Variants in MAP2K5 observed in about 807,000 individuals in gnomAD.
MAP2K5 encodes dual specificity mitogen-activated protein kinase kinase 5.
Under a neutral mutation model 83.1 loss-of-function variants are expected in MAP2K5, and 49 were observed. The ratio of observed to expected loss-of-function variants is 0.59; its 90% CI spans 0.47 to 0.75. The LOEUF is 0.75. Among genes scored for constraint, MAP2K5 ranks in the 30% least tolerant of loss-of-function variants. MAP2K5 has a pLI of 0.00. For missense variants in MAP2K5, 457 were observed against 557.5 expected, an observed-to-expected ratio of 0.82 and a Z score of 1.82; for synonymous variants, 202 against 191.8, an observed-to-expected ratio of 1.05 and a Z score of -0.44.
Position 67,769,789 on chromosome 15 carries a change from G to A in MAP2K5, c.1196+126G>A. Reference sequence around the variant, plus strand: ...GAGACAGGAGGGACTTCGGGGCCTTGGGCAGATGGGGCAGCAAAGCTGAAG... The same window carrying A: ...GAGACAGGAGGGACTTCGGGGCCTTAGGCAGATGGGGCAGCAAAGCTGAAG... On this transcript the variant is annotated intron_variant, in intron 20 of 21. Transcript: ENST00000178640. This position sits in a 1 kb window ranked among gnomAD's most constrained non-coding sequence, Gnocchi z 5.2. 1 of 761,580 alleles carries A rather than the reference G, an allele frequency of 1.3e-6. No individual in the cohort carries two copies. The allele number at this position is 761,580 out of a possible 1,614,324, so 47.2% of individuals were successfully genotyped here.
chr15:67,769,637 G>T lies in MAP2K5; in HGVS notation c.1170G>T (p.Glu390Asp). Residue 390 changes from glutamate to aspartate, a missense_variant, in exon 20 of 22, where the codon GAG (glutamate) becomes GAT (aspartate). Coordinates refer to ENST00000178640, the MANE Select transcript of MAP2K5 (RefSeq NM_145160.3). This position sits in a 1 kb window ranked among gnomAD's most constrained non-coding sequence, Gnocchi z 5.2. The part of the protein sequence containing the change: ...SPVLPVGEFS[E>D]PFVHFITQCM... Reference sequence around the variant, plus strand: ...TCCTTCCAGTTGGAGAGTTCTCGGAGCCATTTGTACATTTCATCACTCAGT... The same window carrying T: ...TCCTTCCAGTTGGAGAGTTCTCGGATCCATTTGTACATTTCATCACTCAGT... 1 of 1,613,758 alleles carries T rather than the reference G, an allele frequency of 6.2e-7. No individual in the cohort carries two copies. Among genetic ancestry groups the T allele is most frequent in the South Asian group, 1.1e-5 (1 of 91,066 alleles).
At chr15:67,549,160 G>A in intron 1 of MAP2K5, 1 of 1,535,652 alleles carries the variant, frequency 6.5e-7, no homozygotes, top group Non-Finnish European at 8.7e-7. Flanking sequence ...AGGTTTGCAG[G>A]CCATTGGAGT....
At chr15:67,624,512 C>A (rs776577509) in intron 8 of MAP2K5, among the ~76,000 whole-genome samples, 148 of 151,816 alleles carry the variant, frequency 9.7e-4, no homozygotes, top group Non-Finnish European at 1.6e-3. Flanking sequence ...TGAAATAGGT[C>A]AGTACCTTTG....
At chr15:67,557,937 C>T (rs2084661741) in intron 2 of MAP2K5, among the ~76,000 whole-genome samples, 1 of 152,206 alleles carries the variant, frequency 6.6e-6, no homozygotes, top group African/African-American at 2.4e-5. Context: ...AACAAACCTA[C>T]ACTGAGCCTG....
intron 9 of MAP2K5, among the ~76,000 whole-genome samples, chr15:67,631,192 A>G (rs1373698768): frequency 3.3e-5 from 5 of 152,242 alleles, no homozygotes; most frequent in Non-Finnish European, 2.9e-5. Flanking sequence ...GCTAAGTGGC[A>G]TCACCATCTT....
chr15:67,547,522 C>G (rs1265663069), intron 1 of MAP2K5, among the ~76,000 whole-genome samples: 1 of 140,632 alleles, frequency 7.1e-6, no homozygotes, highest in Non-Finnish European at 1.5e-5. Flanking sequence ...GTGGCGTGAT[C>G]TCGGCTCACT....
intron 8 of MAP2K5, chr15:67,629,126 A>G: frequency 1.4e-6 from 1 of 730,900 alleles, no homozygotes; most frequent in South Asian, 1.3e-5. Flanking sequence ...GCAGTGGCAG[A>G]AGATTTTAAT....
chr15:67,719,036 C>T lies in MAP2K5; in HGVS notation c.1045-8880C>T, dbSNP rs982606307. ...CTTTATTTTTGTACCCATTAATCAT[C>T]CCCACTCTTCTCCTTGCCAACTACC... On this transcript the variant is annotated intron_variant, in intron 16 of 21. Transcript: ENST00000178640. This position sits in a 1 kb window ranked among gnomAD's most constrained non-coding sequence, Gnocchi z 4.6. Among the ~76,000 whole-genome samples the T allele has an allele frequency of 2.6e-5, 4 of 152,132 alleles. No homozygotes were observed. Among genetic ancestry groups the T allele is most frequent in the Non-Finnish European group, 5.9e-5 (4 of 68,020 alleles).
At chr15:67,804,531 C>CGG (rs1566970189) in intron 21 of MAP2K5, among the ~76,000 whole-genome samples, 1 of 152,246 alleles carries the variant, frequency 6.6e-6, no homozygotes, top group Non-Finnish European at 1.5e-5. Context: ...CCTCGCCTAC[C>CGG]GGGGCACTTG....
chr15:67,707,991 C>T (rs765882646), intron 16 of MAP2K5, among the ~76,000 whole-genome samples: 4 of 152,086 alleles, frequency 2.6e-5, no homozygotes, highest in South Asian at 4.2e-4. Flanking sequence ...TGTAGGAAAC[C>T]GAGCAAAGGA....
At position 67,772,687 on chromosome 15, in the gene MAP2K5, T is replaced by C; in HGVS notation, c.1197-20T>C. ...CAAATGACACAGATAACATAAGGGG[T>C]TTTTTTCTCTCCACTATAGTATGCG... On this transcript the variant is annotated intron_variant, in intron 20 of 21. Coordinates refer to ENST00000178640, the MANE Select transcript of MAP2K5 (RefSeq NM_145160.3). The C allele has an allele frequency of 5.9e-6, 9 of 1,533,130 alleles. No individual in the cohort carries two copies. The highest frequency in any genetic ancestry group is 7.9e-6 in the Non-Finnish European group (9 of 1,136,420). The allele number at this position is 1,533,130 out of a possible 1,614,324, so 95.0% of individuals were successfully genotyped here.
chr15:67,624,643 G>GTA (rs1555533202), intron 8 of MAP2K5, among the ~76,000 whole-genome samples: 3 of 148,236 alleles, frequency 2.0e-5, no homozygotes, highest in East Asian at 4.0e-4. Context: ...GTGTGTGAGT[G>GTA]TGTTTGACGG....
intron 4 of MAP2K5, among the ~76,000 whole-genome samples, chr15:67,581,097 A>G (rs765136097): frequency 6.6e-6 from 1 of 152,196 alleles, no homozygotes; most frequent in Non-Finnish European, 1.5e-5. Context: ...GGGGGTCCAC[A>G]TGGTTTCTAA....
intron 13 of MAP2K5, among the ~76,000 whole-genome samples, chr15:67,674,489 G>A (rs1334136146): frequency 1.3e-5 from 2 of 152,066 alleles, no homozygotes; most frequent in Non-Finnish European, 2.9e-5. Context: ...AAAAGACTTA[G>A]CCCATTAACA....
intron 3 of MAP2K5, among the ~76,000 whole-genome samples, chr15:67,576,933 T>A (rs1297972963): frequency 0.022 from 3,081 of 139,926 alleles, 273 homozygotes; most frequent in Admixed American, 0.067. Context: ...TATATATTTT[T>A]TTTTTTTTTT....
chr15:67,679,874 G>T (rs891245723), intron 13 of MAP2K5: 1 of 152,136 alleles, frequency 6.6e-6, no homozygotes, highest in Non-Finnish European at 1.5e-5. Flanking sequence ...TCAATTCAGT[G>T]ATTTTTAGTA....
At chr15:67,694,276 A>G (rs2088189539) in intron 15 of MAP2K5, among the ~76,000 whole-genome samples, 1 of 152,190 alleles carries the variant, frequency 6.6e-6, no homozygotes, top group African/African-American at 2.4e-5. Context: ...CAGGAAACTT[A>G]TCTAGTATTA....
At chr15:67,673,358 G>A (rs982625181) in intron 13 of MAP2K5, among the ~76,000 whole-genome samples, 16 of 151,996 alleles carry the variant, frequency 1.1e-4, no homozygotes, top group Non-Finnish European at 2.2e-4. Flanking sequence ...GTGTAGGCAG[G>A]TAAATGTTAT....
intron 9 of MAP2K5, chr15:67,642,337 G>GT: frequency 9.3e-7 from 1 of 1,070,794 alleles, no homozygotes; most frequent in South Asian, 1.6e-5. Flanking sequence ...AGTGCTGGGG[G>GT]GGATAGAAAA....
Sources: allele counts gnomAD v4.1 joint callset (sites outside exome capture counted in the v4.1 genomes callset), GRCh38; gene constraint gnomAD v4.1.1; non-coding constraint Gnocchi (gnomAD v3.1); transcripts MANE v1.5; gene names NCBI Gene and HGNC (gene_info 2026-07-23, HGNC 2026-07-21).